The following FRMPD3 variants were observed in gnomAD, a reference collection of about 807,000 sequenced individuals.
FRMPD3 encodes FERM and PDZ domain containing 3, also known as FERM and PDZ domain-containing protein 3.
Under a neutral mutation model 97.9 loss-of-function variants are expected in FRMPD3, and 42 were observed. That is an observed-to-expected ratio of 0.43 (90% CI 0.34 to 0.55). The LOEUF (loss-of-function observed/expected upper bound fraction) is 0.55, where lower values mean the gene tolerates loss of function less well. Among genes scored for constraint, FRMPD3 ranks in the 20% least tolerant of loss-of-function variants. The pLI, the probability that FRMPD3 is intolerant of heterozygous loss-of-function variation, is 0.03. For synonymous variants in FRMPD3, 577 were observed against 581.1 expected, an observed-to-expected ratio of 0.99 and a Z score of 0.10; for missense variants, 1,303 against 1,457.7, an observed-to-expected ratio of 0.89 and a Z score of 1.73.
rs59276897 is a variant in FRMPD3 at position 107,557,797 on chromosome X, CTATATATATATATATA to C, written c.763-2431_763-2416del. ...TGTACTTTTGTTAAAAATCTGTTGT[CTATATATATATATATA>C]TATATATATATATATATATATATAT... On this transcript the variant is annotated intron_variant, in intron 8 of 14. Transcript: ENST00000683843. 1.0e-3 allele frequency among the ~76,000 whole-genome samples: 31 copies of C among 30,027 alleles called. 1 individual carries two copies. The highest frequency in any genetic ancestry group is 0.036 in the Middle Eastern group (1 of 28). 26.1% of individuals were successfully genotyped at this position (30,027 alleles called of 115,157 possible).
chrX:107,474,207 T>C (rs1172605941), intron 1 of FRMPD3, among the ~76,000 whole-genome samples: 2 of 112,415 alleles, frequency 1.8e-5, no homozygotes, highest in Admixed American at 9.4e-5. Context: ...TCATCTGGGC[T>C]GGCCACAACT....
rs370166755 is a variant in FRMPD3 at position 107,597,502 on chromosome X, A to C, written c.1623A>C (p.Glu541Asp). ...TGCGGGAACAAAGGAAGGAGCAGGA[A>C]AGCCGGACAGATGTCAACGAGAACC... ...LHMREQRKEQ[E>D]SRTDVNENLI... Residue 541 changes from glutamate (E) to aspartate (D), a missense_variant, in exon 14 of 15, where the codon GAA becomes GAC. By Grantham distance (45) the Glu-to-Asp change is conservative. Around this residue, in one of 3 missense-constraint regions of FRMPD3, gnomAD observed 535 missense variants for 618.6 expected, o/e 0.86. Transcript: ENST00000683843. 2.7e-4 allele frequency: 325 copies of C among 1,209,146 alleles called. No homozygotes were observed. In the African/African-American group the frequency reaches 5.2e-3, roughly 19 times the overall value.
At chrX:107,464,289 T>A (rs927367000) in intron 1 of FRMPD3, among the ~76,000 whole-genome samples, 17 of 111,904 alleles carry the variant, frequency 1.5e-4, no homozygotes, top group Non-Finnish European at 3.0e-4. Context: ...TTAAAATATC[T>A]GAATATAGCT....
intron 4 of FRMPD3, among the ~76,000 whole-genome samples, chrX:107,536,932 C>G (rs1278686389): frequency 9.0e-6 from 1 of 111,322 alleles, no homozygotes. Flanking sequence ...GGAAGGAAAC[C>G]CAGTTTCTAG....
rs1331564670 is a variant in FRMPD3, at chrX:107,540,029, A to T, written c.298-5708A>T. Among the ~76,000 whole-genome samples the T allele has an allele frequency of 2.6e-4, 29 of 112,303 alleles. 1 individual carries two copies. The highest frequency in any genetic ancestry group is 9.4e-5 in the Non-Finnish European group (5 of 53,276). ...ACAGCGTGAGGTGGGTCCAGGAATGATAACAAGCCCAGTGTGTGCAGGGAG... is the reference window on the plus strand; with the variant it reads ...ACAGCGTGAGGTGGGTCCAGGAATGTTAACAAGCCCAGTGTGTGCAGGGAG... On this transcript the variant is annotated intron_variant, in intron 4 of 14. Transcript: ENST00000683843.
rs774950139 is a variant in FRMPD3, at chrX:107,530,482, C to T, written c.222C>T (p.Ala74=). ...VAINEEDVSE[A]PRERLIELIR... ...TTAATGAGGAAGACGTGAGTGAAGC[C>T]CCGAGGGAGAGACTCATAGAACTTA... The change falls in exon 3 of 15, where the codon GCC becomes GCT. Residue 74 remains alanine, a synonymous_variant. Transcript: ENST00000683843. 3 of 1,190,817 alleles carry T rather than the reference C, an allele frequency of 2.5e-6. No homozygotes were observed. The African/African-American group carries it at 5.3e-5, about 21-fold the overall frequency.
chrX:107,573,501 G>A (rs1368774005), intron 12 of FRMPD3, among the ~76,000 whole-genome samples: 1 of 111,546 alleles, frequency 9.0e-6, no homozygotes, highest in Non-Finnish European at 1.9e-5. Context: ...TGGCCATTCT[G>A]TTGTGACTGA....
intron 1 of FRMPD3, among the ~76,000 whole-genome samples, chrX:107,494,802 G>A (rs937660944): frequency 1.8e-5 from 2 of 111,957 alleles, no homozygotes; most frequent in African/African-American, 6.5e-5. Context: ...AGCAAGCCCA[G>A]ATCTGTGGAA....
chrX:107,471,573 A>C (rs1921064744), intron 1 of FRMPD3, among the ~76,000 whole-genome samples: 1 of 110,938 alleles, frequency 9.0e-6, no homozygotes, highest in African/African-American at 3.3e-5. Flanking sequence ...TTCCTGTGTT[A>C]GTTTGCTGAG....
At chrX:107,491,691 C>T (rs955317208) in intron 1 of FRMPD3, among the ~76,000 whole-genome samples, 17 of 111,843 alleles carry the variant, frequency 1.5e-4, no homozygotes, top group Non-Finnish European at 2.5e-4. Flanking sequence ...GCTGGAGTGG[C>T]GGGCCACCAT....
intron 1 of FRMPD3, among the ~76,000 whole-genome samples, chrX:107,522,265 G>A (rs913995133): frequency 1.8e-5 from 2 of 111,740 alleles, no homozygotes; most frequent in Non-Finnish European, 1.9e-5. Flanking sequence ...CAATAACATC[G>A]CCACCTCTAC....
intron 1 of FRMPD3, among the ~76,000 whole-genome samples, chrX:107,507,545 C>T (rs1922066059): frequency 8.9e-6 from 1 of 111,777 alleles, no homozygotes; most frequent in African/African-American, 3.3e-5. Context: ...TGCCCCTCAG[C>T]GCCTCTGCTT....
chrX:107,532,596 A>G (rs1049571216), intron 3 of FRMPD3, among the ~76,000 whole-genome samples: 1 of 112,070 alleles, frequency 8.9e-6, no homozygotes, highest in African/African-American at 3.2e-5. Context: ...ATAACTCTTT[A>G]CTTCTGGTAA....
In FRMPD3 at chrX:107,601,654, C is replaced by A; in HGVS notation, c.3615C>A (p.Ala1205=). ...CCCACTCGACCTCTGAAGGCCCTGC[C>A]AAACCCAAGTCATCCCGAGGTCCTT... is the stretch of plus-strand genomic sequence containing the variant. ...NGAHSTSEGP[A]KPKSSRGPFR... Residue 1205 remains alanine, a synonymous_variant, in exon 15 of 15, where the codon GCC becomes GCA. Coordinates refer to ENST00000683843, the MANE Select transcript of FRMPD3 (RefSeq NM_001388459.1). The A allele has an allele frequency of 8.3e-7, 1 of 1,211,342 alleles. No individual in the cohort carries two copies. Among genetic ancestry groups the A allele is most frequent in the Non-Finnish European group, 1.1e-6 (1 of 895,519 alleles).
At position 107,457,328 on chromosome X, in the gene FRMPD3, T is replaced by A. The variant is rs1003757413; in HGVS notation, c.-8+7323T>A. On this transcript the variant is annotated intron_variant, in intron 1 of 14. Coordinates refer to ENST00000683843, the MANE Select transcript of FRMPD3 (RefSeq NM_001388459.1). ...AAAACATTTGGAAAGGGACTCCGTA[T>A]TTTTTGTTAACTGCAAATAGTTAAA... Among the ~76,000 whole-genome samples, 72 of 111,960 alleles carry A rather than the reference T, an allele frequency of 6.4e-4. 1 individual carries two copies. Among genetic ancestry groups the A allele is most frequent in the Non-Finnish European group, 1.1e-4 (6 of 53,197 alleles).
chrX:107,594,264 G>A (rs1469387265), intron 13 of FRMPD3, among the ~76,000 whole-genome samples: 6 of 111,751 alleles, frequency 5.4e-5, no homozygotes, highest in African/African-American at 1.9e-4. Context: ...TTTTGGATGA[G>A]TCTTCAGCAT....
At chrX:107,574,082 A>G (rs1390012095) in intron 12 of FRMPD3, among the ~76,000 whole-genome samples, 2 of 112,347 alleles carry the variant, frequency 1.8e-5, no homozygotes, top group Non-Finnish European at 3.8e-5. Context: ...AAAGAAGGTG[A>G]TTGCTGTTAG....
At chrX:107,533,445 G>T in intron 3 of FRMPD3, 60 bp from the exon 4 acceptor site, 1 of 1,027,170 alleles carries the variant, frequency 9.7e-7, no homozygotes, top group South Asian at 2.0e-5. Context: ...GTTGCTTCTT[G>T]TACTAGATGA....
At chrX:107,509,967 G>A (rs1042080736) in intron 1 of FRMPD3, among the ~76,000 whole-genome samples, 1 of 111,187 alleles carries the variant, frequency 9.0e-6, no homozygotes, top group Non-Finnish European at 1.9e-5. Flanking sequence ...CTATCTAAAA[G>A]CTGGTGGAGG....
Sources: gnomAD v4.1 joint callset for allele counts (sites outside exome capture counted in the v4.1 genomes callset) on GRCh38, gnomAD v4.1.1 for gene constraint, gnomAD v4.1.1 regional missense constraint, MANE v1.5 for transcripts, NCBI Gene and HGNC (gene_info 2026-07-23, HGNC 2026-07-21) for gene names.